The following RANBP9 variants were observed in gnomAD, a reference collection of about 807,000 sequenced individuals.
RANBP9 encodes RAN binding protein 9.
A neutral mutation model predicts 84.3 loss-of-function variants in RANBP9; 15 were observed. The observed-to-expected ratio is 0.18, with a 90% CI of 0.12 to 0.27. The LOEUF (loss-of-function observed/expected upper bound fraction) is 0.27, where lower values mean the gene tolerates loss of function less well. RANBP9 is among the 10% of genes least tolerant of loss of function. The pLI is 1.00. For missense variants in RANBP9, 809 were observed against 912.8 expected, an observed-to-expected ratio of 0.89 and a Z score of 1.46; for synonymous variants, 392 against 349.6, an observed-to-expected ratio of 1.12 and a Z score of -1.35.
intron 2 of RANBP9, among the ~76,000 whole-genome samples, chr6:13,661,860 A>G (rs997015150): frequency 6.6e-6 from 1 of 152,210 alleles, no homozygotes; most frequent in Non-Finnish European, 1.5e-5. Flanking sequence ...AGAAATGGCA[A>G]TTAGACTGAC....
chr6:13,642,004 T>C (rs1765076446), intron 7 of RANBP9, among the ~76,000 whole-genome samples: 1 of 152,164 alleles, frequency 6.6e-6, no homozygotes, highest in Non-Finnish European at 1.5e-5. Flanking sequence ...TTATGCTGAC[T>C]TGCCATTGTT....
rs1584955770 is a variant in RANBP9, at chr6:13,711,569, G to A, written c.-64C>T. 1.6e-6 allele frequency: 2 copies of A among 1,227,170 alleles called. No individual in the cohort carries two copies. Among genetic ancestry groups the A allele is most frequent in the South Asian group, 3.4e-5 (1 of 29,288 alleles). The allele number at this position is 1,227,170 out of a possible 1,614,324, so 76.0% of individuals were successfully genotyped here. ...CTCTCCTTCCTCCTCTGCTTCCCGG[G>A]GGCGCTGTCGCTGCGGCCGCCGGCA... On this transcript the variant is annotated 5_prime_UTR_variant, in exon 1 of 14. Transcript: ENST00000011619.
intron 2 of RANBP9, among the ~76,000 whole-genome samples, chr6:13,667,977 C>G (rs1454374244): frequency 2.0e-5 from 3 of 151,618 alleles, no homozygotes; most frequent in Non-Finnish European, 4.4e-5. Context: ...AAGCAGGTAG[C>G]AGAAAAGGAA....
At chr6:13,662,516 G>A (rs1765556813) in intron 2 of RANBP9, among the ~76,000 whole-genome samples, 1 of 152,154 alleles carries the variant, frequency 6.6e-6, no homozygotes, top group Non-Finnish European at 1.5e-5. Flanking sequence ...GTGGTATTAT[G>A]AGATGGGGCC....
At chr6:13,705,638 G>C (rs965496750) in intron 1 of RANBP9, among the ~76,000 whole-genome samples, 1 of 151,710 alleles carries the variant, frequency 6.6e-6, no homozygotes, top group African/African-American at 2.4e-5. Context: ...GAGGCGCGCA[G>C]ATCACAAGGT....
In RANBP9 at chr6:13,634,505, T is replaced by C; in HGVS notation, c.1721A>G (p.Glu574Gly). 6.2e-7 allele frequency: 1 copy of C among 1,613,348 alleles called. No individual in the cohort carries two copies. The highest frequency in any genetic ancestry group is 8.5e-7 in the Non-Finnish European group (1 of 1,179,400). ...ATTTAGGAAACCATTGGATGAAGTT[T>C]CTCCAACTCCATTGGAGTAGTGATC... is the stretch of plus-strand genomic sequence containing the variant. ...ETDHYSNGVG[E>G]TSSNGFLNGS... Residue 574 changes from glutamate to glycine, a missense_variant, in exon 11 of 14, where the codon GAA becomes GGA. This residue lies in a region of RANBP9 where 233 missense variants were observed against 234.4 expected (regional missense o/e 0.99). Coordinates refer to ENST00000011619, the MANE Select transcript of RANBP9 (RefSeq NM_005493.3).
chr6:13,670,801 GAAA>G (rs796204005), intron 2 of RANBP9, among the ~76,000 whole-genome samples: 34 of 56,762 alleles, frequency 6.0e-4, no homozygotes, highest in Non-Finnish European at 8.5e-4. Flanking sequence ...TTCCATCTTA[GAAA>G]AAAAAAAAAA....
chr6:13,641,508 G>A (rs1472096833), intron 7 of RANBP9, among the ~76,000 whole-genome samples: 2 of 146,434 alleles, frequency 1.4e-5, no homozygotes, highest in Middle Eastern at 3.3e-3. Context: ...AACAAGTACG[G>A]TCACAAATTT....
intron 2 of RANBP9, among the ~76,000 whole-genome samples, chr6:13,685,106 A>AT (rs1283993319): frequency 6.6e-6 from 1 of 152,232 alleles, no homozygotes; most frequent in Non-Finnish European, 1.5e-5. Context: ...CATGTGCATC[A>AT]TAAGCCTTAA....
intron 2 of RANBP9, among the ~76,000 whole-genome samples, chr6:13,668,248 T>TA (rs1765696303): frequency 6.6e-6 from 1 of 152,088 alleles, no homozygotes; most frequent in Admixed American, 6.6e-5. Flanking sequence ...ATAGTAATTT[T>TA]AAAACACAAA....
chr6:13,644,728 G>C lies in RANBP9; in HGVS notation c.929C>G (p.Pro310Arg). The C allele has an allele frequency of 1.3e-6, 2 of 1,588,120 alleles. No individual in the cohort carries two copies. Among genetic ancestry groups the C allele is most frequent in the Non-Finnish European group, 1.7e-6 (2 of 1,168,686 alleles). Residue 310 changes from proline to arginine, a missense_variant and splice_region_variant, in exon 6 of 14, where the codon CCA becomes CGA. By Grantham distance (103) the Pro-to-Arg change is moderately radical. Coordinates refer to ENST00000011619, the MANE Select transcript of RANBP9 (RefSeq NM_005493.3). ...AAGCCCCACAGTAGGATACAAATTT[G>C]GCTGTAAGATAGCATATTTCATTAA... is the stretch of plus-strand genomic sequence containing the variant. ...SLGIAFTDLP[P>R]NLYPTVGLQT...
At chr6:13,665,286 A>G (rs2113296901) in intron 2 of RANBP9, among the ~76,000 whole-genome samples, 1 of 152,290 alleles carries the variant, frequency 6.6e-6, no homozygotes, top group South Asian at 2.1e-4. Flanking sequence ...TTAAAACTTA[A>G]CAAAAGACAT....
chr6:13,680,647 T>A (rs1478133888), intron 2 of RANBP9, among the ~76,000 whole-genome samples: 1 of 151,848 alleles, frequency 6.6e-6, no homozygotes, highest in African/African-American at 2.4e-5. Context: ...TCCCAGCTAC[T>A]CAGGAGGCTG....
At chr6:13,708,477 G>A (rs1251767355) in intron 1 of RANBP9, among the ~76,000 whole-genome samples, 1 of 151,906 alleles carries the variant, frequency 6.6e-6, no homozygotes, top group Non-Finnish European at 1.5e-5. Flanking sequence ...GAATACCTTT[G>A]GAGCAAAAGA....
intron 2 of RANBP9, among the ~76,000 whole-genome samples, chr6:13,695,445 A>C (rs1766423749): frequency 6.7e-6 from 1 of 150,372 alleles, no homozygotes; most frequent in Non-Finnish European, 1.5e-5. Context: ...ATTTTAAACA[A>C]GCTAAATTTA....
chr6:13,641,398 T>C, intron 7 of RANBP9, 91 bp from the exon 8 acceptor site: 1 of 718,536 alleles, frequency 1.4e-6, no homozygotes, highest in Non-Finnish European at 2.3e-6. Flanking sequence ...TAGTAAGAAA[T>C]CTTTAAATAA....
chr6:13,691,656 T>C (rs945073948), intron 2 of RANBP9, among the ~76,000 whole-genome samples: 11 of 151,940 alleles, frequency 7.2e-5, no homozygotes, highest in African/African-American at 2.7e-4. Flanking sequence ...TGTTTTTTTT[T>C]TGTTTGTTTG....
intron 13 of RANBP9, 152 bp from the exon 14 acceptor site, chr6:13,622,644 A>T (rs1202415438): frequency 5.0e-6 from 4 of 800,868 alleles, no homozygotes; most frequent in Non-Finnish European, 5.4e-6. Flanking sequence ...CAAAAGACAG[A>T]TGCCGCCTTG....
In RANBP9 at chr6:13,711,095, G is replaced by C. The variant is rs750426485; in HGVS notation, c.411C>G (p.Asp137Glu). Reference sequence around the variant, plus strand: ...CCTTCTCCTGCTCGTTCAGGGCCGAGTCCCCGTGAGGGAAGGGGGCCGCGG... The same window carrying C: ...CCTTCTCCTGCTCGTTCAGGGCCGACTCCCCGTGAGGGAAGGGGGCCGCGG... Reference protein sequence around the residue: ...SSAAAPFPHGDSALNEQEKEL... With the variant: ...SSAAAPFPHGESALNEQEKEL... The change falls in exon 1 of 14, where the codon GAC (aspartate) becomes GAG (glutamate). Residue 137 changes from aspartate (D) to glutamate (E), a missense_variant. Coordinates refer to ENST00000011619, the MANE Select transcript of RANBP9 (RefSeq NM_005493.3). 9.6e-6 allele frequency: 15 copies of C among 1,569,130 alleles called. No individual in the cohort carries two copies. The highest frequency in any genetic ancestry group is 9.5e-6 in the Non-Finnish European group (11 of 1,157,532).
Sources: gnomAD v4.1 joint callset for allele counts (sites outside exome capture counted in the v4.1 genomes callset) on GRCh38, gnomAD v4.1.1 for gene constraint, gnomAD v4.1.1 regional missense constraint, MANE v1.5 for transcripts, NCBI Gene and HGNC (gene_info 2026-07-23, HGNC 2026-07-21) for gene names.